Variants in URB1 observed in about 807,000 individuals in gnomAD.
URB1 encodes nucleolar pre-ribosomal-associated protein 1.
URB1 carries 197 observed loss-of-function variants against 242.3 expected under a neutral mutation model. The observed-to-expected ratio is 0.81, with a 90% confidence interval of 0.72 to 0.91. The LOEUF (loss-of-function observed/expected upper bound fraction) is 0.91, where lower values mean the gene tolerates loss of function less well. Among genes scored for constraint, URB1 ranks in the 40% least tolerant of loss-of-function variants. The pLI is 0.00. For missense variants in URB1, 2,721 were observed against 2,860.5 expected, an observed-to-expected ratio of 0.95 and a Z score of 1.11; for synonymous variants, 1,153 against 1,201.8, an observed-to-expected ratio of 0.96 and a Z score of 0.84.
intron 27 of URB1, 43 bp from the exon 28 acceptor site, chr21:32,337,200 ACACCCTCCTGCTG>A: frequency 5.2e-6 from 8 of 1,544,438 alleles, no homozygotes; most frequent in Non-Finnish European, 7.0e-6. Context: ...TGAACCCCTG[ACACCCTCCTGCTG>A]CTCCCACCAC....
intron 4 of URB1, among the ~76,000 whole-genome samples, chr21:32,380,842 G>A (rs2033514819): frequency 6.6e-6 from 1 of 152,166 alleles, no homozygotes; most frequent in South Asian, 2.1e-4. Flanking sequence ...AACAGTACTG[G>A]GAGTCAGGGC....
chr21:32,376,541 T>C (rs978640602), intron 5 of URB1, among the ~76,000 whole-genome samples: 2 of 145,370 alleles, frequency 1.4e-5, no homozygotes, highest in Non-Finnish European at 3.1e-5. Flanking sequence ...GATGTATTCA[T>C]GCTACTCTAT....
Position 32,338,310 on chromosome 21 carries a change from G to A in URB1, c.4510+397C>T, listed in dbSNP as rs557348370. Among the ~76,000 whole-genome samples, 5 of 152,028 alleles carry A rather than the reference G, an allele frequency of 3.3e-5. No homozygotes were observed. In the East Asian group the frequency reaches 9.6e-4, roughly 29 times the overall value. Reference sequence around the variant, plus strand: ...AACTGTCAATGGGCAAGTTCCAACCGTTTTCCCTTGATAAAAGTTTCAATC... The same window carrying A: ...AACTGTCAATGGGCAAGTTCCAACCATTTTCCCTTGATAAAAGTTTCAATC... On this transcript the variant is annotated intron_variant, in intron 26 of 38. Coordinates refer to ENST00000382751, the MANE Select transcript of URB1 (RefSeq NM_014825.3).
chr21:32,334,136 G>A, intron 29 of URB1, 27 bp downstream of exon 29: 2 of 1,521,872 alleles, frequency 1.3e-6, no homozygotes, highest in East Asian at 2.5e-5. Context: ...GAAGGGGTGG[G>A]TAGGGACAGA....
Position 32,320,565 on chromosome 21 carries a change from G to A in URB1, c.5560C>T (p.Leu1854Phe). The A allele has an allele frequency of 6.4e-7, 1 of 1,552,080 alleles. No individual in the cohort carries two copies. The highest frequency in any genetic ancestry group is 2.4e-5 in the East Asian group (1 of 40,910). ...AGGATGTGTAAAATCCATGTTAAAA[G>A]GCTATAGTCTCGTATGATTTCATAC... ...SAYEIIRDYSLLTWILHILES... is the reference protein window; with the variant it reads ...SAYEIIRDYSFLTWILHILES... The change falls in exon 35 of 39, where the codon CTT (leucine) becomes TTT (phenylalanine). Residue 1854 changes from leucine (L) to phenylalanine (F), a missense_variant. Physicochemically the swap from Leu to Phe is conservative, Grantham distance 22 (BLOSUM62 0). Coordinates refer to ENST00000382751, the MANE Select transcript of URB1 (RefSeq NM_014825.3).
Position 32,338,910 on chromosome 21 carries a change from G to T in URB1, c.4317-10C>A. The stretch of plus-strand genomic sequence containing the variant: ...GTCCTGGTACCGAAATCTAGGCGGC[G>T]AGAGTCAAAGGGAAAAGAGCTTTGC... On this transcript the variant is annotated splice_polypyrimidine_tract_variant and intron_variant, in intron 25 of 38. Coordinates refer to ENST00000382751, the MANE Select transcript of URB1 (RefSeq NM_014825.3). 1 of 1,526,752 alleles carries T rather than the reference G, an allele frequency of 6.5e-7. No homozygotes were observed. The highest frequency in any genetic ancestry group is 1.2e-5 in the South Asian group (1 of 82,138). 94.6% of individuals were successfully genotyped at this position (1,526,752 alleles called of 1,614,324 possible). A position where few individuals can be genotyped will look rare whatever the true frequency, so the allele number is the denominator to read the frequency against.
chr21:32,364,041 G>C (rs989666287), intron 10 of URB1, among the ~76,000 whole-genome samples: 1 of 151,224 alleles, frequency 6.6e-6, no homozygotes, highest in African/African-American at 2.4e-5. Flanking sequence ...TCAGGTGGAG[G>C]AATGGCCAAA....
In URB1 at chr21:32,337,400, T is replaced by G; in HGVS notation, c.4621+4A>C. ...CTCACACTACCCAGCCCTCACACCC[T>G]CACCTAGGACGCTGAGAGTGGCGCC... On this transcript the variant is annotated splice_donor_region_variant and intron_variant, in intron 27 of 38. Transcript: ENST00000382751. 1 of 1,546,604 alleles carries G rather than the reference T, an allele frequency of 6.5e-7. No individual in the cohort carries two copies.
Position 32,354,869 on chromosome 21 carries a change from G to A in URB1, c.2235C>T (p.Ser745=). ...CAGAATGGAACATACCGTCAATGTG[G>A]GAGATGGGAATGCTCATGTCATCGG... is the stretch of plus-strand genomic sequence containing the variant. ...QEADDMSIPI[S]HIDDVLDMVD... is the part of the protein sequence containing the mutation. The change falls in exon 17 of 39, where the codon TCC becomes TCT. Residue 745 remains serine (S), a synonymous_variant. Transcript: ENST00000382751. 6.4e-7 allele frequency: 1 copy of A among 1,552,348 alleles called. No homozygotes were observed. The highest frequency in any genetic ancestry group is 8.7e-7 in the Non-Finnish European group (1 of 1,147,112).
chr21:32,319,522 T>C, intron 35 of URB1, 108 bp from the exon 36 acceptor site: 1 of 1,154,804 alleles, frequency 8.7e-7, no homozygotes, highest in East Asian at 3.0e-5. Flanking sequence ...ATAAGCATAG[T>C]CTCCAAGTAA....
rs1260619159 is a variant in URB1, at chr21:32,346,967, C to A, written c.3857G>T (p.Arg1286Leu). 1.3e-6 allele frequency: 2 copies of A among 1,512,008 alleles called. No homozygotes were observed. The highest frequency in any genetic ancestry group is 1.8e-6 in the Non-Finnish European group (2 of 1,120,710). 93.7% of individuals were successfully genotyped at this position (1,512,008 alleles called of 1,614,324 possible). ...AGCCTTTCCCTTACCTCCTGCTGGG[C>A]GTGTGAAGTGGCTCCGTGTCCTGCA... ...LQCRTRSHFTRPAGVSSAVIP... is the reference protein window; with the variant it reads ...LQCRTRSHFTLPAGVSSAVIP... The change falls in exon 22 of 39, where the codon CGC becomes CTC. Residue 1286 changes from arginine (R) to leucine (L), a missense_variant. Arg to Leu is a moderately radical substitution (Grantham distance 102). Transcript: ENST00000382751.
intron 31 of URB1, among the ~76,000 whole-genome samples, 181 bp downstream of exon 31, chr21:32,325,047 CA>C (rs1014504851): frequency 1.1e-4 from 16 of 152,060 alleles, no homozygotes; most frequent in Admixed American, 8.5e-4. Flanking sequence ...GGTTGTGGAT[CA>C]AAGGCGACCT....
chr21:32,366,730 GA>G lies in URB1; in HGVS notation c.1222del (p.Ser408ProfsTer19). 2.6e-6 allele frequency: 4 copies of G among 1,551,530 alleles called. No homozygotes were observed. The highest frequency in any genetic ancestry group is 3.5e-6 in the Non-Finnish European group (4 of 1,146,896). On this transcript the variant is annotated frameshift_variant, in exon 10 of 39. Transcript: ENST00000382751. LOFTEE classifies it high-confidence loss of function. ...AAACTCTCTGGTCTGAAATGCCCGG[GA>G]AATCTCCGGCTGAGCCTCATAGATC... ...NKIYEAQPEI[S>X]RAFQTREFIP...
At chr21:32,347,974 G>C (rs1173640641) in intron 21 of URB1, among the ~76,000 whole-genome samples, 163 bp from the exon 22 acceptor site, 1 of 152,192 alleles carries the variant, frequency 6.6e-6, no homozygotes, top group African/African-American at 2.4e-5. Context: ...CCCCCCTCGG[G>C]GTGCCCAAGG....
At chr21:32,386,430 C>T (rs149907816) in intron 1 of URB1, among the ~76,000 whole-genome samples, 59 of 152,300 alleles carry the variant, frequency 3.9e-4, no homozygotes, top group African/African-American at 7.7e-4. Context: ...TGATCGCGGA[C>T]GTGGCCTTCA....
At position 32,392,948 on chromosome 21, in the gene URB1, T is replaced by C; in HGVS notation, c.-38A>G. On this transcript the variant is annotated 5_prime_UTR_variant, in exon 1 of 39. Coordinates refer to ENST00000382751, the MANE Select transcript of URB1 (RefSeq NM_014825.3). ...GGAAGCGCGACGGAAACGACACACC[T>C]GAGGGGACCCGGCAGGAGCACTGGC... 4 of 1,465,596 alleles carry C rather than the reference T, an allele frequency of 2.7e-6. No individual in the cohort carries two copies. Among genetic ancestry groups the C allele is most frequent in the African/African-American group, 2.9e-5 (2 of 69,918 alleles). 90.8% of individuals were successfully genotyped at this position (1,465,596 alleles called of 1,614,324 possible). A position where few individuals can be genotyped will look rare whatever the true frequency, so the allele number is the denominator to read the frequency against.
chr21:32,314,425 T>C lies in URB1; in HGVS notation c.*493A>G. 4 of 789,550 alleles carry C rather than the reference T, an allele frequency of 5.1e-6. No individual in the cohort carries two copies. The highest frequency in any genetic ancestry group is 8.8e-6 in the Non-Finnish European group (4 of 455,682). The allele number at this position is 789,550 out of a possible 1,614,324, so 48.9% of individuals were successfully genotyped here. A position where few individuals can be genotyped will look rare whatever the true frequency, so the allele number is the denominator to read the frequency against. On this transcript the variant is annotated 3_prime_UTR_variant, in exon 39 of 39. Transcript: ENST00000382751. ...GTTTCGAACTCCTGACCTCAGGTGA[T>C]TCACCCGCCTTGGCCTCCCAAAGTG...
Position 32,345,501 on chromosome 21 carries a change from T to C in URB1, c.3943A>G (p.Ser1315Gly), listed in dbSNP as rs1434319027. The change falls in exon 23 of 39, where the codon AGT becomes GGT. Residue 1315 changes from serine (S) to glycine (G), a missense_variant. By Grantham distance (56) the Ser-to-Gly change is moderately conservative. Coordinates refer to ENST00000382751, the MANE Select transcript of URB1 (RefSeq NM_014825.3). Reference sequence around the variant, plus strand: ...TGGTACAGCCCAGATGCTGGGGGACTGTCAGTGCTAAGAAGCCTGCTCTGT... The same window carrying C: ...TGGTACAGCCCAGATGCTGGGGGACCGTCAGTGCTAAGAAGCCTGCTCTGT... ...QLQSRLLSTD[S>G]PPASGLYQEI... 2.6e-6 allele frequency: 4 copies of C among 1,551,422 alleles called. No homozygotes were observed. Among genetic ancestry groups the C allele is most frequent in the Non-Finnish European group, 2.6e-6 (3 of 1,146,888 alleles).
At chr21:32,336,114 G>A (rs983739540) in intron 28 of URB1, among the ~76,000 whole-genome samples, 8 of 152,138 alleles carry the variant, frequency 5.3e-5, no homozygotes, top group African/African-American at 1.9e-4. Context: ...CACCAGCTCC[G>A]ACGTCAAAAG....
Sources: allele counts gnomAD v4.1 joint callset (sites outside exome capture counted in the v4.1 genomes callset), GRCh38; gene constraint gnomAD v4.1.1; transcripts MANE v1.5; gene names NCBI Gene and HGNC (gene_info 2026-07-23, HGNC 2026-07-21).